The following GLIS3 variants were observed in gnomAD, a reference collection of about 807,000 sequenced individuals.
GLIS3 encodes the protein zinc finger protein GLIS3.
In GLIS3, 53 loss-of-function variants were observed where a neutral mutation model predicts 78.6. That is an observed-to-expected ratio of 0.67 (90% confidence interval 0.54 to 0.85). The LOEUF is 0.85. Ranked by LOEUF, GLIS3 falls within the 40% of genes least tolerant of loss-of-function variation. The probability of loss-of-function intolerance (pLI) is 0.00; values close to 1 mark genes in which losing one functional copy is unlikely to be tolerated. For synonymous variants in GLIS3, 684 were observed against 509.9 expected (o/e 1.34, Z -4.60); for missense variants, 1,703 against 1,231.1 (o/e 1.38, Z -5.74).
At chr9:4,437,179 A>C in the GLIS3 span, among the ~76,000 whole-genome samples, 1 of 152,310 alleles carries the variant, frequency 6.6e-6, no homozygotes, top group Admixed American at 6.5e-5. Context: ...GAATCCTTTC[A>C]TGGTTTTGGA....
At chr9:4,485,246 C>A in the GLIS3 span, among the ~76,000 whole-genome samples, 8 of 152,064 alleles carry the variant, frequency 5.3e-5, no homozygotes, top group African/African-American at 1.9e-4. Flanking sequence ...AACTCCTGAC[C>A]TCAAGTAATC....
chr9:4,169,904 T>G (rs1323665085), intron 2 of GLIS3, among the ~76,000 whole-genome samples: 1 of 152,194 alleles, frequency 6.6e-6, no homozygotes, highest in Non-Finnish European at 1.5e-5. Context: ...GGAATATAAT[T>G]AGCAATCAGT....
intron 4 of GLIS3, among the ~76,000 whole-genome samples, chr9:3,980,051 T>C (rs188631764): frequency 6.6e-6 from 1 of 152,070 alleles, no homozygotes; most frequent in African/African-American, 2.4e-5. Flanking sequence ...AAAGTGACCT[T>C]AGGAGAAAGG....
At chr9:4,291,806 C>A (rs1212171143) in intron 1 of GLIS3, among the ~76,000 whole-genome samples, 1 of 152,174 alleles carries the variant, frequency 6.6e-6, no homozygotes, top group African/African-American at 2.4e-5. Context: ...TCAATAACCT[C>A]TCTTAGAATC....
At chr9:4,233,202 G>C (rs1297026317) in intron 2 of GLIS3, among the ~76,000 whole-genome samples, 1 of 152,164 alleles carries the variant, frequency 6.6e-6, no homozygotes, top group African/African-American at 2.4e-5. Flanking sequence ...TGATGCTCTT[G>C]GTTAGCTATT....
intron 2 of GLIS3, among the ~76,000 whole-genome samples, chr9:4,146,299 C>G (rs143053154): frequency 5.0e-4 from 76 of 152,276 alleles, no homozygotes; most frequent in African/African-American, 1.7e-3. Context: ...TGAATATCTA[C>G]TATAGTTCTA....
chr9:4,413,582 C>G, the GLIS3 span, among the ~76,000 whole-genome samples: 1 of 151,998 alleles, frequency 6.6e-6, no homozygotes, highest in Non-Finnish European at 1.5e-5. Flanking sequence ...ATTAGCTTGC[C>G]AAACTCTTCA....
chr9:4,235,324 G>A (rs964177334), intron 2 of GLIS3, among the ~76,000 whole-genome samples: 1 of 125,746 alleles, frequency 8.0e-6, no homozygotes, highest in African/African-American at 3.2e-5. Context: ...AAACTGATGG[G>A]GGGAGTCATT....
chr9:3,860,268 C>CT (rs1820102090), intron 8 of GLIS3, among the ~76,000 whole-genome samples: 1 of 42,802 alleles, frequency 2.3e-5, no homozygotes, highest in African/African-American at 9.1e-5. Context: ...GAGCAAGACT[C>CT]TGTCAAAAAA....
At chr9:3,893,021 G>A (rs901661210) in intron 7 of GLIS3, among the ~76,000 whole-genome samples, 2 of 152,036 alleles carry the variant, frequency 1.3e-5, no homozygotes, top group African/African-American at 4.8e-5. Context: ...TTGTGTCATG[G>A]GGGTTTGTTG....
At chr9:3,828,483 T>C (rs1367525514) in intron 10 of GLIS3, 75 bp from the exon 11 acceptor site, 2 of 1,582,684 alleles carry the variant, frequency 1.3e-6, no homozygotes, top group African/African-American at 1.3e-5. Flanking sequence ...ACTACAGTAA[T>C]GCAGCTCACC....
At chr9:4,084,280 C>G (rs1252057132) in intron 4 of GLIS3, among the ~76,000 whole-genome samples, 1 of 138,230 alleles carries the variant, frequency 7.2e-6, no homozygotes, top group Non-Finnish European at 1.6e-5. Context: ...CACACACACA[C>G]ACACACACAC....
the GLIS3 span, among the ~76,000 whole-genome samples, chr9:4,455,432 G>A: frequency 6.6e-6 from 1 of 152,058 alleles, no homozygotes; most frequent in African/African-American, 2.4e-5. Context: ...GAAAAAGTTA[G>A]GCATCTTGTA....
the GLIS3 span, among the ~76,000 whole-genome samples, chr9:4,462,629 ACACAGACACG>A: frequency 1.8e-4 from 25 of 135,292 alleles, no homozygotes; most frequent in African/African-American, 5.4e-4. Context: ...ACACACACAC[ACACAGACACG>A]CACACACACA....
intron 4 of GLIS3, among the ~76,000 whole-genome samples, chr9:3,992,971 G>A (rs183713650): frequency 1.3e-5 from 2 of 152,284 alleles, no homozygotes; most frequent in Admixed American, 1.3e-4. Context: ...TGTGTGACAT[G>A]GAGCCAACCA....
chr9:3,895,417 C>G (rs1245451023), intron 7 of GLIS3, among the ~76,000 whole-genome samples: 1 of 152,180 alleles, frequency 6.6e-6, no homozygotes, highest in Non-Finnish European at 1.5e-5. Flanking sequence ...CAACACTGCT[C>G]TCAGGTGAGC....
chr9:4,092,256 A>G (rs1452895509), intron 4 of GLIS3, among the ~76,000 whole-genome samples: 5 of 149,420 alleles, frequency 3.3e-5, no homozygotes, highest in African/African-American at 1.2e-4. Context: ...GGTTCACACC[A>G]TTCTCCTGTC....
chr9:4,214,347 T>C (rs1268152673), intron 2 of GLIS3, among the ~76,000 whole-genome samples: 1 of 152,206 alleles, frequency 6.6e-6, no homozygotes, highest in Non-Finnish European at 1.5e-5. Flanking sequence ...TTCTGCAAAC[T>C]TTAAGGAAAA....
At chr9:3,898,354 G>A (rs1823019641) in intron 7 of GLIS3, 1 of 355,298 alleles carries the variant, frequency 2.8e-6, no homozygotes, top group Admixed American at 3.8e-5. Flanking sequence ...TCCACACGCA[G>A]CCTGCTACCT....
Sources: gnomAD v4.1 joint callset for allele counts (sites outside exome capture counted in the v4.1 genomes callset) on GRCh38, gnomAD v4.1.1 for gene constraint, MANE v1.5 for transcripts, NCBI Gene and HGNC (gene_info 2026-07-23, HGNC 2026-07-21) for gene names.